The following ADAMTSL1 variants were observed in gnomAD, a reference collection of about 807,000 sequenced individuals.
ADAMTSL1 encodes ADAMTS like 1.
Under a neutral mutation model 201.8 loss-of-function variants are expected in ADAMTSL1, and 126 were observed. The ratio of observed to expected loss-of-function variants is 0.62; its 90% CI spans 0.54 to 0.72. The LOEUF (loss-of-function observed/expected upper bound fraction) is 0.72. Ranked by LOEUF, ADAMTSL1 falls within the 30% of genes least tolerant of loss-of-function variation. The probability of loss-of-function intolerance (pLI) is 0.00; values close to 1 mark genes in which losing one functional copy is unlikely to be tolerated. For synonymous variants in ADAMTSL1, 1,121 were observed against 903.4 expected (o/e 1.24, Z -4.32); for missense variants, 2,679 against 2,277.8 (o/e 1.18, Z -3.59).
At chr9:18,502,043 T>C (rs1014070970) in intron 1 of ADAMTSL1, among the ~76,000 whole-genome samples, 1 of 152,202 alleles carries the variant, frequency 6.6e-6, no homozygotes, top group African/African-American at 2.4e-5. Context: ...ATCACAACCA[T>C]ACATTATTTA....
intron 23 of ADAMTSL1, among the ~76,000 whole-genome samples, chr9:18,871,195 G>T (rs1185776743): frequency 6.6e-6 from 1 of 152,132 alleles, no homozygotes; most frequent in Non-Finnish European, 1.5e-5. Context: ...TATATTACCA[G>T]AGGTGGGGAG....
At chr9:18,795,545 C>G (rs1489264716) in intron 20 of ADAMTSL1, 21 bp downstream of exon 20, 5 of 1,589,714 alleles carry the variant, frequency 3.1e-6, no homozygotes, top group Non-Finnish European at 3.4e-6. Flanking sequence ...AATCCCTGTT[C>G]TGTTCATTTC....
chr9:18,068,498 T>C (rs531747922), intron 1 of ADAMTSL1, among the ~76,000 whole-genome samples: 1 of 152,278 alleles, frequency 6.6e-6, no homozygotes, highest in Non-Finnish European at 1.5e-5. Context: ...GTATGGATTT[T>C]GCTATTCTCT....
intron 2 of ADAMTSL1, among the ~76,000 whole-genome samples, chr9:18,235,543 T>G (rs184220554): frequency 6.6e-6 from 1 of 152,318 alleles, no homozygotes; most frequent in East Asian, 1.9e-4. Context: ...AGGTATTAGC[T>G]CTAATAATTA....
At position 18,777,012 on chromosome 9, in the gene ADAMTSL1, C is replaced by A. The variant is rs949433459; in HGVS notation, c.2783C>A (p.Pro928His). ...AGCTCGACGCACGTCACGGTGGCCC[C>A]CTTCGGCTATCTCAAGATCCACCGC... is the stretch of plus-strand genomic sequence containing the variant. ...LISSTHVTVA[P>H]FGYLKIHRLK... Residue 928 changes from proline (P) to histidine (H), a missense_variant, in exon 19 of 29, where the codon CCC becomes CAC. Transcript: ENST00000380548. 2 of 1,605,928 alleles carry A rather than the reference C, an allele frequency of 1.2e-6. No individual in the cohort carries two copies. Among genetic ancestry groups the A allele is most frequent in the Non-Finnish European group, 1.7e-6 (2 of 1,174,726 alleles).
At position 18,651,755 on chromosome 9, in the gene ADAMTSL1, A is replaced by T. The variant is rs116651643; in HGVS notation, c.835-5884A>T. Among the ~76,000 whole-genome samples the T allele has an allele frequency of 9.1e-3, 1,386 of 152,296 alleles. 19 individuals carry two copies. The highest frequency in any genetic ancestry group is 0.032 in the African/African-American group (1,330 of 41,564). ...GCATCAGTTAGAGTATTAGGCAAAG[A>T]TGATGCCTTCATATTTTGTTCTAGA... On this transcript the variant is annotated intron_variant, in intron 7 of 28. Transcript: ENST00000380548.
chr9:18,178,521 C>T (rs1264243473), intron 2 of ADAMTSL1, among the ~76,000 whole-genome samples: 1 of 152,062 alleles, frequency 6.6e-6, no homozygotes, highest in Non-Finnish European at 1.5e-5. Flanking sequence ...GGGTGGAGCC[C>T]ACCACAGCTC....
At chr9:18,669,060 G>A (rs1213817038) in intron 9 of ADAMTSL1, among the ~76,000 whole-genome samples, 2 of 152,192 alleles carry the variant, frequency 1.3e-5, no homozygotes, top group African/African-American at 4.8e-5. Context: ...AGTCATCCTT[G>A]TTCTGCATAA....
rs537604746 is a variant in ADAMTSL1, at chr9:18,706,634, C to G, written c.1575-113C>G. On this transcript the variant is annotated intron_variant, in intron 13 of 28. Coordinates refer to ENST00000380548, the MANE Select transcript of ADAMTSL1 (RefSeq NM_001040272.6). ...GGACAGGGTGGAGGAGCCCTGAGTA[C>G]CCCTGGGACAGCTCTGGGCACTGGA... is the stretch of plus-strand genomic sequence containing the variant. 257 of 1,079,732 alleles carry G rather than the reference C, an allele frequency of 2.4e-4. 1 individual carries two copies. In the African/African-American group the frequency reaches 3.6e-3, roughly 15 times the overall value. The allele number at this position is 1,079,732 out of a possible 1,614,324, so 66.9% of individuals were successfully genotyped here.
At chr9:18,557,637 G>A (rs1253636226) in intron 3 of ADAMTSL1, among the ~76,000 whole-genome samples, 1 of 152,030 alleles carries the variant, frequency 6.6e-6, no homozygotes, top group African/African-American at 2.4e-5. Flanking sequence ...ATATCAAGTG[G>A]TTTGTTGGAG....
intron 1 of ADAMTSL1, among the ~76,000 whole-genome samples, chr9:18,055,299 T>C (rs1563973089): frequency 6.6e-6 from 1 of 152,190 alleles, no homozygotes; most frequent in African/African-American, 2.4e-5. Context: ...CAGACTGGTT[T>C]CATTGACTCT....
In ADAMTSL1 at chr9:18,574,109, A is replaced by G; in HGVS notation, c.317A>G (p.Tyr106Cys). 6.2e-7 allele frequency: 1 copy of G among 1,614,132 alleles called. No homozygotes were observed. Among genetic ancestry groups the G allele is most frequent in the Non-Finnish European group, 8.5e-7 (1 of 1,180,020 alleles). ...HNDVKHHGQF[Y>C]EWLPVSNDPD... is the part of the protein sequence containing the mutation. ...GATGTCAAGCACCATGGCCAGTTTT[A>G]TGAATGGCTTCCTGTGTCTAATGAC... Residue 106 changes from tyrosine to cysteine, a missense_variant, in exon 4 of 29, where the codon TAT (tyrosine) becomes TGT (cysteine). Coordinates refer to ENST00000380548, the MANE Select transcript of ADAMTSL1 (RefSeq NM_001040272.6).
intron 7 of ADAMTSL1, among the ~76,000 whole-genome samples, chr9:18,644,551 C>A (rs1200684440): frequency 6.6e-6 from 1 of 150,734 alleles, no homozygotes; most frequent in African/African-American, 2.4e-5. Context: ...CCCCACCCCA[C>A]AACAGTCCCC....
chr9:18,122,096 T>C (rs1587099619), intron 1 of ADAMTSL1, among the ~76,000 whole-genome samples: 1 of 152,184 alleles, frequency 6.6e-6, no homozygotes, highest in East Asian at 1.9e-4. Flanking sequence ...GAAAGTTTCT[T>C]ACAAAGTTAA....
At chr9:18,488,005 A>T (rs1209520098) in intron 1 of ADAMTSL1, among the ~76,000 whole-genome samples, 1 of 152,242 alleles carries the variant, frequency 6.6e-6, no homozygotes, top group Non-Finnish European at 1.5e-5. Context: ...TGGCATATAA[A>T]ATAGGAATGT....
intron 5 of ADAMTSL1, among the ~76,000 whole-genome samples, chr9:18,633,908 A>T (rs63639960): frequency 2.6e-3 from 279 of 108,238 alleles, no homozygotes; most frequent in African/African-American, 8.9e-3. Context: ...AACACTATTT[A>T]AAAAAAAAAT....
chr9:18,513,434 G>T (rs1348137160), intron 2 of ADAMTSL1, among the ~76,000 whole-genome samples: 1 of 152,180 alleles, frequency 6.6e-6, no homozygotes. Context: ...TTTCACTCAG[G>T]ATAATGGCCT....
At chr9:17,964,383 T>C (rs1429805537) in intron 1 of ADAMTSL1, among the ~76,000 whole-genome samples, 1 of 152,184 alleles carries the variant, frequency 6.6e-6, no homozygotes, top group Non-Finnish European at 1.5e-5. Context: ...ATTCTATTTA[T>C]GTAACATTCT....
intron 4 of ADAMTSL1, among the ~76,000 whole-genome samples, chr9:18,582,496 C>G (rs954414201): frequency 6.6e-6 from 1 of 152,100 alleles, no homozygotes; most frequent in Non-Finnish European, 1.5e-5. Flanking sequence ...GAGAGCAGAT[C>G]TTTCCTGGTC....
Sources: allele counts gnomAD v4.1 joint callset (sites outside exome capture counted in the v4.1 genomes callset), GRCh38; gene constraint gnomAD v4.1.1; transcripts MANE v1.5; gene names NCBI Gene and HGNC (gene_info 2026-07-23, HGNC 2026-07-21).